FSD2: variants seen among roughly 807,000 people sequenced by gnomAD.
FSD2 encodes the protein fibronectin type III and SPRY domain containing 2, also known as fibronectin type III and SPRY domain-containing protein 2.
FSD2 carries 71 observed loss-of-function variants against 80.4 expected under a neutral mutation model. The observed-to-expected ratio is 0.88, with a 90% CI of 0.73 to 1.08. The LOEUF is 1.08. Ranked by LOEUF, FSD2 falls within the 50% of genes least tolerant of loss-of-function variation. The pLI, the probability that FSD2 is intolerant of heterozygous loss-of-function variation, is 0.00. For missense variants in FSD2, 923 were observed against 913.8 expected (o/e 1.01, Z -0.13); for synonymous variants, 361 against 329.5 (o/e 1.10, Z -1.03).
intron 1 of FSD2, among the ~76,000 whole-genome samples, chr15:82,794,272 A>G (rs1483468278): frequency 1.3e-5 from 2 of 151,908 alleles, no homozygotes; most frequent in Non-Finnish European, 2.9e-5. Context: ...TAATTTCCAT[A>G]TATTTGTGAG....
chr15:82,799,904 G>A (rs553784913), intron 1 of FSD2, among the ~76,000 whole-genome samples: 3 of 152,310 alleles, frequency 2.0e-5, no homozygotes, highest in South Asian at 4.1e-4. Context: ...CAGCTGGCCC[G>A]TGAGAGGTTG....
chr15:82,755,712 T>C lies in FSD2; in HGVS notation c.*3636A>G, dbSNP rs536897037. 4.5e-5 allele frequency: 8 copies of C among 179,364 alleles called. No homozygotes were observed. The highest frequency in any genetic ancestry group is 9.6e-5 in the Non-Finnish European group (8 of 83,098). The allele number at this position is 179,364 out of a possible 1,614,324, so 11.1% of individuals were successfully genotyped here. ...AGGGGCAGTTGTTGTGCCCAGGTCA[T>C]AGTCATACTCCTTCCAGGAGACTTC... On this transcript the variant is annotated 3_prime_UTR_variant, in exon 13 of 13. Coordinates refer to ENST00000334574, the MANE Select transcript of FSD2 (RefSeq NM_001007122.4).
At chr15:82,793,951 T>C (rs1219325166) in intron 1 of FSD2, among the ~76,000 whole-genome samples, 1 of 152,074 alleles carries the variant, frequency 6.6e-6, no homozygotes, top group African/African-American at 2.4e-5. Context: ...AATCTGCTTT[T>C]GGTTTCTTTA....
rs2049515834 is a variant in FSD2, at chr15:82,769,749, C to T, written c.1402+1G>A. On this transcript the variant is annotated splice_donor_variant, in intron 8 of 12. Coordinates refer to ENST00000334574, the MANE Select transcript of FSD2 (RefSeq NM_001007122.4). LOFTEE classifies it high-confidence loss of function. ...GCTATAGGAAATGAGTAGCCCATTA[C>T]CTGTCATGTACACTGCACGCTCGCT... 1 of 1,608,698 alleles carries T rather than the reference C, an allele frequency of 6.2e-7. No individual in the cohort carries two copies. The highest frequency in any genetic ancestry group is 1.1e-5 in the South Asian group (1 of 90,888).
intron 1 of FSD2, among the ~76,000 whole-genome samples, chr15:82,788,426 C>A (rs563118108): frequency 2.0e-5 from 3 of 147,140 alleles, no homozygotes; most frequent in Non-Finnish European, 3.0e-5. Context: ...ATCACTTGAG[C>A]CTTGAGGGGT....
intron 1 of FSD2, among the ~76,000 whole-genome samples, chr15:82,792,520 A>G (rs1262448300): frequency 6.6e-6 from 1 of 152,138 alleles, no homozygotes; most frequent in East Asian, 1.9e-4. Context: ...ATTCTAGTCC[A>G]CTGTCAGGTA....
At position 82,778,289 on chromosome 15, in the gene FSD2, A is replaced by G. The variant is rs1010045441; in HGVS notation, c.1111+477T>C. ...TAACCAAGACATGGAAACAACCTCA[A>G]TGTCCATCAATAGATGGATGGATTT... On this transcript the variant is annotated intron_variant, in intron 6 of 12. Transcript: ENST00000334574. 2.0e-4 allele frequency among the ~76,000 whole-genome samples: 31 copies of G among 151,758 alleles called. 1 individual carries two copies. Among genetic ancestry groups the G allele is most frequent in the Admixed American group, 1.8e-3 (28 of 15,252 alleles).
chr15:82,796,913 A>G (rs1008156979), intron 1 of FSD2, among the ~76,000 whole-genome samples: 10 of 151,554 alleles, frequency 6.6e-5, no homozygotes, highest in Non-Finnish European at 1.2e-4. Flanking sequence ...CTTCATGTAG[A>G]TTCTTTTTTC....
At chr15:82,798,614 C>G (rs897342863) in intron 1 of FSD2, among the ~76,000 whole-genome samples, 3 of 152,112 alleles carry the variant, frequency 2.0e-5, no homozygotes, top group African/African-American at 7.2e-5. Context: ...TTTTCCTTAT[C>G]CATCACTTTT....
chr15:82,763,827 G>A (rs1406484162), intron 11 of FSD2, among the ~76,000 whole-genome samples: 1 of 152,118 alleles, frequency 6.6e-6, no homozygotes, highest in African/African-American at 2.4e-5. Context: ...CTAACTTTTT[G>A]TGTGTATACT....
At chr15:82,768,848 T>C (rs1322032976) in intron 9 of FSD2, 32 bp downstream of exon 9, 1 of 1,438,490 alleles carries the variant, frequency 7.0e-7, no homozygotes, top group Non-Finnish European at 9.1e-7. Context: ...GTGTCAGGGC[T>C]CTCGTGCCCA....
At chr15:82,771,693 G>A (rs1567303967) in intron 7 of FSD2, among the ~76,000 whole-genome samples, 1 of 152,230 alleles carries the variant, frequency 6.6e-6, no homozygotes, top group Non-Finnish European at 1.5e-5. Flanking sequence ...GCACAAGGCT[G>A]CTATGAGAAG....
Position 82,778,792 on chromosome 15 carries a change from A to G in FSD2, c.1085T>C (p.Leu362Pro), listed in dbSNP as rs2049782151. Residue 362 changes from leucine (L) to proline (P), a missense_variant, in exon 6 of 13, where the codon CTG (leucine) becomes CCG (proline). Coordinates refer to ENST00000334574, the MANE Select transcript of FSD2 (RefSeq NM_001007122.4). ...TGGAATGGTGTTAATGGAGCCCATC[A>G]GCTGCTCCACATCAGAGAAATCCAA... Reference protein sequence around the residue: ...QTLDFSDVEQLMGSINTIPAP... With the variant: ...QTLDFSDVEQPMGSINTIPAP... The G allele has an allele frequency of 6.2e-7, 1 of 1,613,234 alleles. No individual in the cohort carries two copies. Among genetic ancestry groups the G allele is most frequent in the African/African-American group, 1.3e-5 (1 of 74,932 alleles).
intron 1 of FSD2, among the ~76,000 whole-genome samples, chr15:82,794,097 C>T (rs1280332690): frequency 2.0e-5 from 3 of 151,780 alleles, no homozygotes; most frequent in African/African-American, 4.8e-5. Flanking sequence ...GATCTTTCTT[C>T]TTGTTAAATA....
Position 82,782,975 on chromosome 15 carries a change from G to T in FSD2, c.786C>A (p.Ile262=). 6.2e-7 allele frequency: 1 copy of T among 1,613,716 alleles called. No homozygotes were observed. Among genetic ancestry groups the T allele is most frequent in the Non-Finnish European group, 8.5e-7 (1 of 1,179,852 alleles). The change falls in exon 4 of 13, where the codon ATC becomes ATA. Residue 262 remains isoleucine, a synonymous_variant. Coordinates refer to ENST00000334574, the MANE Select transcript of FSD2 (RefSeq NM_001007122.4). The part of the protein sequence containing the change: ...EQNFESHYNE[I]LETLAQKYEE... ...CATATTTTTGAGCAAGTGTTTCCAA[G>T]ATCTCGTTGTAATGTGACTCAAAGT...
intron 1 of FSD2, among the ~76,000 whole-genome samples, chr15:82,801,054 A>G (rs2050401152): frequency 6.6e-6 from 1 of 152,134 alleles, no homozygotes. Context: ...CCCACACACT[A>G]CTGCCCTCAA....
At position 82,782,985 on chromosome 15, in the gene FSD2, T is replaced by C. The variant is rs1009238486; in HGVS notation, c.776A>G (p.Tyr259Cys). 9.9e-6 allele frequency: 16 copies of C among 1,613,400 alleles called. No homozygotes were observed. In the African/African-American group the frequency reaches 2.0e-4, roughly 20 times the overall value. Residue 259 changes from tyrosine (Y) to cysteine (C), a missense_variant, in exon 4 of 13, where the codon TAC (tyrosine) becomes TGC (cysteine). Coordinates refer to ENST00000334574, the MANE Select transcript of FSD2 (RefSeq NM_001007122.4). ...GKQEQNFESH[Y>C]NEILETLAQK... Reference sequence around the variant, plus strand: ...AGCAAGTGTTTCCAAGATCTCGTTGTAATGTGACTCAAAGTTTTGTTCTTG... The same window carrying C: ...AGCAAGTGTTTCCAAGATCTCGTTGCAATGTGACTCAAAGTTTTGTTCTTG...
chr15:82,773,196 T>C (rs2049627914), intron 6 of FSD2, among the ~76,000 whole-genome samples: 1 of 152,216 alleles, frequency 6.6e-6, no homozygotes, highest in African/African-American at 2.4e-5. Context: ...TCCCAGACTT[T>C]TAATATCCTT....
chr15:82,755,879 T>A lies in FSD2; in HGVS notation c.*3469A>T. On this transcript the variant is annotated 3_prime_UTR_variant, in exon 13 of 13. Transcript: ENST00000334574. ...TCCTATAGCTTGAAGTTATACATGA[T>A]CTTTATTTGAGTATCTTGACTTGTT... 1 of 444,630 alleles carries A rather than the reference T, an allele frequency of 2.2e-6. No individual in the cohort carries two copies. The highest frequency in any genetic ancestry group is 1.7e-5 in the South Asian group (1 of 57,616). 27.5% of individuals were successfully genotyped at this position (444,630 alleles called of 1,614,324 possible).
Sources: allele counts gnomAD v4.1 joint callset (sites outside exome capture counted in the v4.1 genomes callset), GRCh38; gene constraint gnomAD v4.1.1; transcripts MANE v1.5; gene names NCBI Gene and HGNC (gene_info 2026-07-23, HGNC 2026-07-21).